Variants in NCAM2 observed in about 807,000 individuals in gnomAD.
NCAM2 encodes the protein neural cell adhesion molecule 2.
Under a neutral mutation model 98.1 loss-of-function variants are expected in NCAM2, and 30 were observed. The observed-to-expected ratio is 0.31, with a 90% CI of 0.23 to 0.41. The LOEUF (loss-of-function observed/expected upper bound fraction) is 0.41, where lower values mean the gene tolerates loss of function less well. Among genes scored for constraint, NCAM2 ranks in the 10% least tolerant of loss-of-function variants. The pLI, the probability that NCAM2 is intolerant of heterozygous loss-of-function variation, is 1.00. For missense variants in NCAM2, 867 were observed against 1,005.8 expected (o/e 0.86, Z 1.87); for synonymous variants, 368 against 342.4 (o/e 1.07, Z -0.83).
intron 8 of NCAM2, among the ~76,000 whole-genome samples, chr21:21,369,061 C>A (rs2075853684): frequency 6.6e-6 from 1 of 151,838 alleles, no homozygotes; most frequent in Non-Finnish European, 1.5e-5. Flanking sequence ...TAAACACAAT[C>A]AATTTTGGAT....
intron 1 of NCAM2, among the ~76,000 whole-genome samples, chr21:21,196,358 T>C (rs910738929): frequency 6.6e-6 from 1 of 152,222 alleles, no homozygotes; most frequent in Admixed American, 6.5e-5. Context: ...GGTGAGCCAT[T>C]TCGGTTCCAC....
chr21:21,519,807 C>T (rs2826877), intron 16 of NCAM2, among the ~76,000 whole-genome samples: 52,295 of 151,842 alleles, frequency 0.34, 10,023 homozygotes, highest in East Asian at 0.61. Context: ...TTTGACTGTT[C>T]GGATTTATAC....
At chr21:21,136,648 A>C (rs1412610067) in intron 1 of NCAM2, among the ~76,000 whole-genome samples, 1 of 85,826 alleles carries the variant, frequency 1.2e-5, no homozygotes, top group African/African-American at 5.4e-5. Flanking sequence ...TTTTATTTTT[A>C]GTAGAGATGG....
chr21:21,453,035 TA>T (rs1206829768), intron 12 of NCAM2, among the ~76,000 whole-genome samples: 5 of 83,750 alleles, frequency 6.0e-5, no homozygotes, highest in East Asian at 3.1e-4. Flanking sequence ...TATATAAAAA[TA>T]ATATATACAT....
At chr21:21,236,891 G>A (rs1030240481) in intron 1 of NCAM2, among the ~76,000 whole-genome samples, 2 of 152,108 alleles carry the variant, frequency 1.3e-5, no homozygotes, top group Non-Finnish European at 1.5e-5. Context: ...CTTCGGCAGA[G>A]TTGGACGTTT....
intron 1 of NCAM2, among the ~76,000 whole-genome samples, chr21:21,012,450 GCAAAGAAGAGAAGGACAAATT>G (rs1454713470): frequency 1.3e-5 from 2 of 152,006 alleles, no homozygotes; most frequent in African/African-American, 4.8e-5. Context: ...GCTTTTAGGG[GCAAAGAAGAGAAGGACAAATT>G]CAAAATGGCT....
intron 9 of NCAM2, among the ~76,000 whole-genome samples, chr21:21,387,176 G>A (rs539508307): frequency 8.0e-5 from 10 of 125,546 alleles, no homozygotes; most frequent in South Asian, 2.6e-4. Context: ...TACTTGGTGC[G>A]CACACACACA....
chr21:21,072,467 T>C (rs1432013228), intron 1 of NCAM2, among the ~76,000 whole-genome samples: 1 of 152,092 alleles, frequency 6.6e-6, no homozygotes, highest in Admixed American at 6.5e-5. Flanking sequence ...AATCAAACTA[T>C]TATAACATAG....
chr21:21,077,871 T>C (rs185283468), intron 1 of NCAM2, among the ~76,000 whole-genome samples: 101 of 152,278 alleles, frequency 6.6e-4, no homozygotes, highest in Non-Finnish European at 1.4e-3. Context: ...AAAAAATTGA[T>C]ATGTAACTTT....
chr21:21,536,019 TTCTC>T (rs934970261), intron 17 of NCAM2, among the ~76,000 whole-genome samples: 1 of 152,152 alleles, frequency 6.6e-6, no homozygotes, highest in African/African-American at 2.4e-5. Flanking sequence ...TCAGAACTCT[TTCTC>T]TACAGTTTGA....
intron 1 of NCAM2, among the ~76,000 whole-genome samples, chr21:21,259,985 A>C (rs189956627): frequency 6.6e-6 from 1 of 150,606 alleles, no homozygotes; most frequent in Non-Finnish European, 1.5e-5. Context: ...AGGATGTGAA[A>C]GACAAGATAG....
intron 1 of NCAM2, among the ~76,000 whole-genome samples, chr21:21,115,967 G>GTT (rs1222239540): frequency 2.2e-4 from 6 of 26,940 alleles, no homozygotes; most frequent in African/African-American, 4.5e-4. Context: ...TTGTGTGTGT[G>GTT]TGTGTGTGTG....
intron 16 of NCAM2, among the ~76,000 whole-genome samples, chr21:21,514,614 T>C (rs1988606888): frequency 6.6e-6 from 1 of 152,182 alleles, no homozygotes; most frequent in African/African-American, 2.4e-5. Flanking sequence ...CCTCTATATT[T>C]TCCACTAAAT....
At chr21:21,115,099 G>A (rs911801620) in intron 1 of NCAM2, among the ~76,000 whole-genome samples, 1 of 152,106 alleles carries the variant, frequency 6.6e-6, no homozygotes. Flanking sequence ...GGAATTACAG[G>A]CATGAGCCAC....
chr21:21,490,307 C>A (rs527429580), intron 15 of NCAM2, among the ~76,000 whole-genome samples: 32 of 152,066 alleles, frequency 2.1e-4, no homozygotes, highest in African/African-American at 7.7e-4. Flanking sequence ...AACTGCATTT[C>A]ATCTCCTTTG....
intron 1 of NCAM2, among the ~76,000 whole-genome samples, chr21:21,269,072 G>C (rs2072399505): frequency 6.6e-6 from 1 of 151,978 alleles, no homozygotes; most frequent in Non-Finnish European, 1.5e-5. Flanking sequence ...TTAAACAAAA[G>C]GTTGTTTCTG....
intron 1 of NCAM2, among the ~76,000 whole-genome samples, chr21:21,073,639 T>C (rs1297746105): frequency 1.3e-5 from 2 of 152,160 alleles, no homozygotes; most frequent in Non-Finnish European, 1.5e-5. Context: ...AGGAGCTGTG[T>C]CTCTGATTTT....
chr21:21,202,466 G>T (rs2069271134), intron 1 of NCAM2, among the ~76,000 whole-genome samples: 1 of 138,898 alleles, frequency 7.2e-6, no homozygotes, highest in Non-Finnish European at 1.5e-5. Flanking sequence ...GCCCAGGCTG[G>T]AGTGCAATGG....
intron 15 of NCAM2, among the ~76,000 whole-genome samples, chr21:21,491,439 A>G (rs1051682480): frequency 3.3e-5 from 5 of 151,776 alleles, no homozygotes; most frequent in South Asian, 2.1e-4. Context: ...CCAAATGAAT[A>G]AAGTTGCAGA....
Sources: gnomAD v4.1 joint callset for allele counts (sites outside exome capture counted in the v4.1 genomes callset) on GRCh38, gnomAD v4.1.1 for gene constraint, MANE v1.5 for transcripts, NCBI Gene and HGNC (gene_info 2026-07-23, HGNC 2026-07-21) for gene names.